ARHGEF3: variants seen among roughly 807,000 people sequenced by gnomAD.
ARHGEF3 encodes Rho guanine nucleotide exchange factor 3, also known as 59.8 kDA protein.
Under a neutral mutation model 63.2 loss-of-function variants are expected in ARHGEF3, and 28 were observed. The observed-to-expected ratio is 0.44, with a 90% CI of 0.33 to 0.61. The LOEUF (loss-of-function observed/expected upper bound fraction) is 0.61. Ranked by LOEUF, ARHGEF3 falls within the 20% of genes least tolerant of loss-of-function variation. The probability of loss-of-function intolerance (pLI) is 0.03; values close to 1 mark genes in which losing one functional copy is unlikely to be tolerated. For missense variants in ARHGEF3, 533 were observed against 659.3 expected (o/e 0.81, Z 2.10); for synonymous variants, 266 against 254.2 (o/e 1.05, Z -0.44).
At chr3:56,870,605 T>A (rs141304517) in intron 4 of ARHGEF3, among the ~76,000 whole-genome samples, 1 of 152,166 alleles carries the variant, frequency 6.6e-6, no homozygotes, top group Non-Finnish European at 1.5e-5. Context: ...TGAACTCTAA[T>A]GTAAACTATA....
At chr3:56,810,766 G>A (rs1266303306) in intron 4 of ARHGEF3, among the ~76,000 whole-genome samples, 2 of 152,164 alleles carry the variant, frequency 1.3e-5, no homozygotes, top group East Asian at 1.9e-4. Context: ...TGACTAAGAA[G>A]CTTATCAAAT....
intron 2 of ARHGEF3, among the ~76,000 whole-genome samples, chr3:56,965,452 T>C (rs1297161525): frequency 2.0e-5 from 3 of 152,056 alleles, no homozygotes; most frequent in Admixed American, 6.6e-5. Context: ...GTTTAACTAA[T>C]GGATTCTACC....
intron 2 of ARHGEF3, among the ~76,000 whole-genome samples, chr3:56,980,183 A>C (rs1701272508): frequency 6.6e-6 from 1 of 152,266 alleles, no homozygotes; most frequent in African/African-American, 2.4e-5. Context: ...GGCAGTAGCA[A>C]GAAGACTTGC....
chr3:56,835,249 C>T (rs974952816), intron 4 of ARHGEF3, among the ~76,000 whole-genome samples: 1 of 150,666 alleles, frequency 6.6e-6, no homozygotes, highest in African/African-American at 2.4e-5. Flanking sequence ...GATCTCGGCT[C>T]ACTGCAACCT....
chr3:56,776,851 G>A lies in ARHGEF3; in HGVS notation c.97-3035C>T, dbSNP rs1183704866. 2.6e-5 allele frequency among the ~76,000 whole-genome samples: 4 copies of A among 152,196 alleles called. No homozygotes were observed. In the East Asian group the frequency reaches 7.7e-4, roughly 29 times the overall value. ...GCTAAACCCAGGAACCAAGTGTCCT[G>A]TTTCAAGTGCAGACACCACCCCCCA... On this transcript the variant is annotated intron_variant, in intron 1 of 9. Transcript: ENST00000296315.
At chr3:56,996,876 T>C (rs952213303) in intron 2 of ARHGEF3, among the ~76,000 whole-genome samples, 2 of 108,486 alleles carry the variant, frequency 1.8e-5, no homozygotes, top group African/African-American at 6.1e-5. Flanking sequence ...AACATTATTA[T>C]TATTATTATT....
rs1303673012 is a variant in ARHGEF3, at chr3:56,741,653, G to A, written c.870+3552C>T. Among the ~76,000 whole-genome samples, 3 of 151,760 alleles carry A rather than the reference G, an allele frequency of 2.0e-5. No homozygotes were observed. In the South Asian group the frequency reaches 6.3e-4, roughly 32 times the overall value. ...CAAGTAGCTGGGACTACAGGCGCCT[G>A]CCACCACGCCCAGCTAATTTTTTGT... is the stretch of plus-strand genomic sequence containing the variant. On this transcript the variant is annotated intron_variant, in intron 7 of 9. Coordinates refer to ENST00000296315, the MANE Select transcript of ARHGEF3 (RefSeq NM_019555.3).
intron 4 of ARHGEF3, among the ~76,000 whole-genome samples, chr3:56,852,425 G>A (rs894825630): frequency 1.3e-5 from 2 of 152,092 alleles, no homozygotes; most frequent in Admixed American, 1.3e-4. Flanking sequence ...AGATAAAAGG[G>A]GACTGCTGGA....
At chr3:56,900,357 G>A (rs1578796721) in intron 3 of ARHGEF3, among the ~76,000 whole-genome samples, 1 of 152,208 alleles carries the variant, frequency 6.6e-6, no homozygotes, top group South Asian at 2.1e-4. Context: ...ACAGTTGGCT[G>A]GGTGTGGTGG....
At chr3:57,069,912 T>C (rs1705790822) in intron 1 of ARHGEF3, among the ~76,000 whole-genome samples, 1 of 152,252 alleles carries the variant, frequency 6.6e-6, no homozygotes, top group South Asian at 2.1e-4. Context: ...CCCAAAGTGC[T>C]GGGATTACAG....
At chr3:56,807,383 C>G (rs1005922134) in intron 4 of ARHGEF3, among the ~76,000 whole-genome samples, 2 of 152,140 alleles carry the variant, frequency 1.3e-5, no homozygotes. Context: ...TAAAATGTGG[C>G]CTTTCAATTG....
At chr3:57,016,262 G>T (rs1702995746) in intron 2 of ARHGEF3, among the ~76,000 whole-genome samples, 1 of 151,916 alleles carries the variant, frequency 6.6e-6, no homozygotes. Flanking sequence ...CTGCTTGCAA[G>T]AATGACAAAA....
chr3:56,934,399 G>A (rs2042493992), intron 3 of ARHGEF3, among the ~76,000 whole-genome samples: 1 of 152,244 alleles, frequency 6.6e-6, no homozygotes, highest in Admixed American at 6.5e-5. Flanking sequence ...CCACTGCACT[G>A]TGGGAGCCCC....
chr3:56,785,470 A>C (rs1673258149), intron 1 of ARHGEF3, among the ~76,000 whole-genome samples: 1 of 152,156 alleles, frequency 6.6e-6, no homozygotes, highest in African/African-American at 2.4e-5. Context: ...GCCAGATCCC[A>C]ATACTGTCTG....
intron 1 of ARHGEF3, among the ~76,000 whole-genome samples, chr3:57,037,828 T>G (rs1284562280): frequency 6.6e-6 from 1 of 152,174 alleles, no homozygotes; most frequent in Non-Finnish European, 1.5e-5. Context: ...TGAGCCAAGA[T>G]TGTGCCACTG....
At chr3:56,916,237 T>C in intron 3 of ARHGEF3, 1 of 1,506,034 alleles carries the variant, frequency 6.6e-7, no homozygotes, top group Non-Finnish European at 8.8e-7. Flanking sequence ...CCTCAGATCC[T>C]GGCACCACCC....
intron 3 of ARHGEF3, among the ~76,000 whole-genome samples, chr3:56,897,499 T>C (rs986669667): frequency 6.6e-6 from 1 of 152,134 alleles, no homozygotes; most frequent in Admixed American, 6.6e-5. Context: ...GGAAAAAACA[T>C]GCATGTATAT....
At position 56,793,003 on chromosome 3, in the gene ARHGEF3, T is replaced by A. The variant is rs28682416; in HGVS notation, c.96+8700A>T. Among the ~76,000 whole-genome samples the A allele has an allele frequency of 1.1e-4, 17 of 151,852 alleles. 1 individual carries two copies. The South Asian group carries it at 2.9e-3, about 26-fold the overall frequency. ...ATTCACGGCATTGGGTTTTTTTTTT[T>A]TTTTATTTTTATTTTTTTGAGACAG... On this transcript the variant is annotated intron_variant, in intron 1 of 9. Coordinates refer to ENST00000296315, the MANE Select transcript of ARHGEF3 (RefSeq NM_019555.3).
At chr3:56,805,331 C>T (rs960168193), upstream of ARHGEF3, among the ~76,000 whole-genome samples, 1 of 152,172 alleles carries the variant, frequency 6.6e-6, no homozygotes, top group East Asian at 1.9e-4. Context: ...ACCTCCTGGT[C>T]TCAAGCAATC....
Sources: allele counts gnomAD v4.1 joint callset (sites outside exome capture counted in the v4.1 genomes callset), GRCh38; gene constraint gnomAD v4.1.1; transcripts MANE v1.5; gene names NCBI Gene and HGNC (gene_info 2026-07-23, HGNC 2026-07-21).